GABRB3: variants seen among roughly 807,000 people sequenced by gnomAD.
GABRB3 encodes the protein gamma-aminobutyric acid type A receptor subunit beta3.
In GABRB3, 14 loss-of-function variants were observed where a neutral mutation model predicts 52.1. That is an observed-to-expected ratio of 0.27 (90% CI 0.18 to 0.42). The LOEUF (loss-of-function observed/expected upper bound fraction) is 0.42, where lower values mean the gene tolerates loss of function less well. GABRB3 is among the 10% of genes least tolerant of loss of function. The pLI, the probability that GABRB3 is intolerant of heterozygous loss-of-function variation, is 1.00. For synonymous variants in GABRB3, 260 were observed against 232.3 expected (o/e 1.12, Z -1.08); for missense variants, 307 against 609.1 (o/e 0.50, Z 5.22).
chr15:26,772,569 G>T (rs1159907485), intron 2 of GABRB3, 100 bp from the exon 3 acceptor site: 1 of 1,443,134 alleles, frequency 6.9e-7, no homozygotes, highest in Non-Finnish European at 9.4e-7. Context: ...CGGGCGAAGG[G>T]CCCCCACTCC....
chr15:26,692,894 C>G (rs1566807983), intron 3 of GABRB3, among the ~76,000 whole-genome samples: 1 of 152,154 alleles, frequency 6.6e-6, no homozygotes. Flanking sequence ...GAGAAAAGTT[C>G]ATTTCTTTTC....
In GABRB3 at chr15:26,592,660, T is replaced by C. The variant is rs943703980; in HGVS notation, c.462-9246A>G. Among the ~76,000 whole-genome samples, 4 of 152,188 alleles carry C rather than the reference T, an allele frequency of 2.6e-5. No individual in the cohort carries two copies. In the East Asian group the frequency reaches 5.8e-4, roughly 22 times the overall value. On this transcript the variant is annotated intron_variant, in intron 4 of 8. Transcript: ENST00000311550. ...GAAATCTGTACTGAAGGCAAGGGAA[T>C]AGAATTAACATGGCTGAAAATCCTT...
chr15:26,624,285 T>G, intron 3 of GABRB3: 1 of 985,684 alleles, frequency 1.0e-6, no homozygotes, highest in Non-Finnish European at 1.2e-6. Flanking sequence ...GATGTGTTAG[T>G]GGTGGCGACC....
intron 7 of GABRB3, among the ~76,000 whole-genome samples, chr15:26,561,699 T>C (rs1376467669): frequency 2.0e-5 from 3 of 152,180 alleles, no homozygotes; most frequent in Non-Finnish European, 4.4e-5. Flanking sequence ...CAATGCTTAT[T>C]GGAAGCAAGA....
chr15:26,624,859 C>T lies in GABRB3; in HGVS notation c.241-3325G>A, dbSNP rs138599053. On this transcript the variant is annotated intron_variant, in intron 3 of 8. Transcript: ENST00000311550. The stretch of plus-strand genomic sequence containing the variant: ...TAGCAAATGCAGGGTTTTCCTGTTA[C>T]GGGAGCCATGGTGCCGCTCCTTGTG... 916 of 985,416 alleles carry T rather than the reference C, an allele frequency of 9.3e-4. 5 individuals are homozygous for T. The African/African-American group carries it at 0.015, about 16-fold the overall frequency. 61.0% of individuals were successfully genotyped at this position (985,416 alleles called of 1,614,324 possible).
intron 3 of GABRB3, among the ~76,000 whole-genome samples, chr15:26,661,294 A>T (rs2140611484): frequency 6.6e-6 from 1 of 152,228 alleles, no homozygotes; most frequent in Non-Finnish European, 1.5e-5. Context: ...ACACATGCAC[A>T]TACACACATG....
chr15:26,639,871 A>AT (rs1278951763), intron 3 of GABRB3, among the ~76,000 whole-genome samples: 3 of 152,256 alleles, frequency 2.0e-5, no homozygotes, highest in African/African-American at 7.2e-5. Flanking sequence ...TGATGCACAC[A>AT]TATCAGGCAG....
At chr15:26,716,612 A>T (rs1889474943) in intron 3 of GABRB3, 40 of 991,264 alleles carry the variant, frequency 4.0e-5, no homozygotes, top group Non-Finnish European at 4.7e-5. Context: ...CCACTTACTT[A>T]CATCTCCTTA....
At chr15:26,700,820 C>A (rs1299164164) in intron 3 of GABRB3, among the ~76,000 whole-genome samples, 1 of 152,210 alleles carries the variant, frequency 6.6e-6, no homozygotes, top group African/African-American at 2.4e-5. Flanking sequence ...CTCTGGGAGG[C>A]CGAGGCGGGC....
chr15:26,678,604 C>T (rs549432239), intron 3 of GABRB3, among the ~76,000 whole-genome samples: 1 of 151,622 alleles, frequency 6.6e-6, no homozygotes, highest in Non-Finnish European at 1.5e-5. Context: ...GAGAGAGATA[C>T]AGAGAGGAAG....
At chr15:26,552,330 T>G (rs1190155759) in intron 8 of GABRB3, among the ~76,000 whole-genome samples, 1 of 152,212 alleles carries the variant, frequency 6.6e-6, no homozygotes, top group Non-Finnish European at 1.5e-5. Flanking sequence ...CTGTCCTTTC[T>G]GTTTTCTTTC....
At chr15:26,569,043 G>A (rs1890295522) in intron 6 of GABRB3, among the ~76,000 whole-genome samples, 1 of 152,074 alleles carries the variant, frequency 6.6e-6, no homozygotes, top group African/African-American at 2.4e-5. Context: ...TAAACTCCAA[G>A]AGGCCTCACC....
At chr15:26,583,932 G>A (rs1325556669) in intron 4 of GABRB3, among the ~76,000 whole-genome samples, 4 of 151,706 alleles carry the variant, frequency 2.6e-5, no homozygotes, top group Non-Finnish European at 4.4e-5. Flanking sequence ...CTGCCACCAC[G>A]CCCAGCTAAT....
At chr15:26,737,497 C>T (rs750494457) in intron 3 of GABRB3, among the ~76,000 whole-genome samples, 2 of 151,768 alleles carry the variant, frequency 1.3e-5, no homozygotes, top group Non-Finnish European at 1.5e-5. Context: ...AGGACAGGGG[C>T]GGGAAAAACA....
At chr15:26,609,763 T>C (rs777511556) in intron 4 of GABRB3, among the ~76,000 whole-genome samples, 27 of 152,330 alleles carry the variant, frequency 1.8e-4, no homozygotes, top group Non-Finnish European at 2.2e-4. Flanking sequence ...TCAAAGTTGC[T>C]GAGAGAATAA....
intron 3 of GABRB3, among the ~76,000 whole-genome samples, chr15:26,729,112 G>A (rs771702694): frequency 2.2e-4 from 33 of 151,892 alleles, no homozygotes; most frequent in South Asian, 1.5e-3. Context: ...TTTCCCCCAC[G>A]CCTCTGCAAG....
chr15:26,579,094 G>A (rs755777480), intron 6 of GABRB3, among the ~76,000 whole-genome samples: 3 of 152,178 alleles, frequency 2.0e-5, no homozygotes, highest in Non-Finnish European at 4.4e-5. Flanking sequence ...AGGGGCTGGG[G>A]TGGAGAGGAG....
rs145680138 is a variant in GABRB3 at position 26,655,611 on chromosome 15, G to A, written c.241-34077C>T. Among the ~76,000 whole-genome samples, 398 of 152,174 alleles carry A rather than the reference G, an allele frequency of 2.6e-3. 4 individuals carry two copies. Among genetic ancestry groups the A allele is most frequent in the African/African-American group, 8.8e-3 (366 of 41,508 alleles). On this transcript the variant is annotated intron_variant, in intron 3 of 8. Coordinates refer to ENST00000311550, the MANE Select transcript of GABRB3 (RefSeq NM_000814.6). ...CAAAAAATTAGCCAGGCGTGGTGGC[G>A]GGCGCCTGTAGTCCAGGCTACTCGG...
intron 3 of GABRB3, among the ~76,000 whole-genome samples, chr15:26,724,877 A>G (rs1889730669): frequency 6.6e-6 from 1 of 152,068 alleles, no homozygotes; most frequent in African/African-American, 2.4e-5. Context: ...ATGGGAGGCT[A>G]CACTTCCCAG....
Sources: gnomAD v4.1 joint callset for allele counts (sites outside exome capture counted in the v4.1 genomes callset) on GRCh38, gnomAD v4.1.1 for gene constraint, MANE v1.5 for transcripts, NCBI Gene and HGNC (gene_info 2026-07-23, HGNC 2026-07-21) for gene names.